GHSR: variants seen among roughly 807,000 people sequenced by gnomAD.
GHSR encodes the protein growth hormone secretagogue receptor, also known as growth hormone secretagogue receptor type 1.
Under a neutral mutation model 24.0 loss-of-function variants are expected in GHSR, and 17 were observed. The ratio of observed to expected loss-of-function variants is 0.71; its 90% CI spans 0.49 to 1.06. The LOEUF (loss-of-function observed/expected upper bound fraction) is 1.06. Among genes scored for constraint, GHSR ranks in the 50% least tolerant of loss-of-function variants. GHSR has a pLI of 0.00. For synonymous variants in GHSR, 238 were observed against 208.1 expected, an observed-to-expected ratio of 1.14 and a Z score of -1.24; for missense variants, 504 against 483.1, an observed-to-expected ratio of 1.04 and a Z score of -0.41.
Position 172,447,726 on chromosome 3 carries a change from C to T in GHSR, c.688G>A (p.Val230Ile). 2 of 1,614,120 alleles carry T rather than the reference C, an allele frequency of 1.2e-6. No individual in the cohort carries two copies. Among genetic ancestry groups the T allele is most frequent in the Non-Finnish European group, 1.7e-6 (2 of 1,180,032 alleles). The stretch of plus-strand genomic sequence containing the variant: ...TTCCTGCCGATGAGACTGTAGAGGA[C>T]CGTGAGACAGAAGACAGGAAGGAAG... ...FFFLPVFCLT[V>I]LYSLIGRKLW... Residue 230 changes from valine (V) to isoleucine (I), a missense_variant, in exon 1 of 2, where the codon GTC becomes ATC. By Grantham distance (29) the Val-to-Ile change is conservative (BLOSUM62 3). Coordinates refer to ENST00000241256, the MANE Select transcript of GHSR (RefSeq NM_198407.2).
At position 172,445,153 on chromosome 3, in the gene GHSR, G is replaced by A. The variant is rs1356654891; in HGVS notation, c.*8C>T. The A allele has an allele frequency of 6.2e-7, 1 of 1,613,816 alleles. No homozygotes were observed. Among genetic ancestry groups the A allele is most frequent in the African/African-American group, 1.3e-5 (1 of 74,906 alleles). On this transcript the variant is annotated 3_prime_UTR_variant, in exon 2 of 2. Coordinates refer to ENST00000241256, the MANE Select transcript of GHSR (RefSeq NM_198407.2). Reference sequence around the variant, plus strand: ...AATAAGCGGTGACTGTACTCGCAATGTGCTAGGTCATGTATTAATACTAGA... The same window carrying A: ...AATAAGCGGTGACTGTACTCGCAATATGCTAGGTCATGTATTAATACTAGA...
chr3:172,445,425 G>T lies in GHSR; in HGVS notation c.837C>A (p.Phe279Leu), dbSNP rs201286192. 46 of 1,613,598 alleles carry T rather than the reference G, an allele frequency of 2.9e-5. No individual in the cohort carries two copies. Among genetic ancestry groups the T allele is most frequent in the Non-Finnish European group, 2.0e-5 (24 of 1,180,016 alleles). ...VFAFILCWLPFHVGRYLFSKS... is the reference protein window; with the variant it reads ...VFAFILCWLPLHVGRYLFSKS... ...TGGAAAATAAATATCGCCCTACGTGGAAGGGGAGCCAGCAGAGGATGAAGG... is the reference window on the plus strand; with the variant it reads ...TGGAAAATAAATATCGCCCTACGTGTAAGGGGAGCCAGCAGAGGATGAAGG... The change falls in exon 2 of 2, where the codon TTC (phenylalanine) becomes TTA (leucine). Residue 279 changes from phenylalanine to leucine, a missense_variant. Coordinates refer to ENST00000241256, the MANE Select transcript of GHSR (RefSeq NM_198407.2).
Position 172,448,114 on chromosome 3 carries a change from G to C in GHSR, c.300C>G (p.Leu100=), listed in dbSNP as rs1380767480. Reference sequence around the variant, plus strand: ...AGGGCCGGTACTGCCAGAGGCGAACGAGGTCCAGGGGCATGCAGAGGAAGA... The same window carrying C: ...AGGGCCGGTACTGCCAGAGGCGAACCAGGTCCAGGGGCATGCAGAGGAAGA... ...LLIFLCMPLD[L]VRLWQYRPWN... is the part of the protein sequence containing the mutation. Residue 100 remains leucine (L), a synonymous_variant, in exon 1 of 2, where the codon CTC becomes CTG. Transcript: ENST00000241256. This position sits in a 1 kb window ranked among gnomAD's most constrained non-coding sequence, Gnocchi z 4.8. 1.7e-5 allele frequency: 28 copies of C among 1,614,126 alleles called. No individual in the cohort carries two copies. The highest frequency in any genetic ancestry group is 2.0e-5 in the Non-Finnish European group (24 of 1,180,054).
rs200796016 is a variant in GHSR at position 172,448,050 on chromosome 3, C to A, written c.364G>T (p.Val122Phe). 2 of 1,614,152 alleles carry A rather than the reference C, an allele frequency of 1.2e-6. No individual in the cohort carries two copies. Among genetic ancestry groups the A allele is most frequent in the Non-Finnish European group, 8.5e-7 (1 of 1,180,036 alleles). The change falls in exon 1 of 2, where the codon GTC (valine) becomes TTC (phenylalanine). Residue 122 changes from valine (V) to phenylalanine (F), a missense_variant. By Grantham distance (50) the Val-to-Phe change is conservative. Coordinates refer to ENST00000241256, the MANE Select transcript of GHSR (RefSeq NM_198407.2). This position sits in a 1 kb window ranked among gnomAD's most constrained non-coding sequence, Gnocchi z 4.8. ...GTGGCGTAGGTGCAGCTCTCACTGA[C>A]GAATTGGAAGAGTTTGCAGAGGAGG... ...GDLLCKLFQF[V>F]SESCTYATVL...
chr3:172,447,134 T>A (rs1436791350), intron 1 of GHSR, among the ~76,000 whole-genome samples: 1 of 152,256 alleles, frequency 6.6e-6, no homozygotes, highest in Non-Finnish European at 1.5e-5. Flanking sequence ...CTGCTTTTCT[T>A]AATGTAACTT....
Position 172,444,286 on chromosome 3 carries a change from CAG to C in GHSR, c.*873_*874del, listed in dbSNP as rs1576991896. On this transcript the variant is annotated 3_prime_UTR_variant, in exon 2 of 2. Coordinates refer to ENST00000241256, the MANE Select transcript of GHSR (RefSeq NM_198407.2). ...TCACTATAAAAACATTTTAGGGAAACAGTATTTATTTTTAAACATTTCATATA... is the reference window on the plus strand; with the variant it reads ...TCACTATAAAAACATTTTAGGGAAACTATTTATTTTTAAACATTTCATATA... Among the ~76,000 whole-genome samples the C allele has an allele frequency of 2.0e-5, 3 of 152,178 alleles. No individual in the cohort carries two copies. The highest frequency in any genetic ancestry group is 2.9e-5 in the Non-Finnish European group (2 of 67,976).
intron 1 of GHSR, among the ~76,000 whole-genome samples, chr3:172,447,200 A>G (rs6774762): frequency 0.3 from 44,949 of 152,166 alleles, 7,976 homozygotes; most frequent in Middle Eastern, 0.45. Flanking sequence ...TTAACGCTTA[A>G]AGACCACAAT....
Position 172,447,761 on chromosome 3 carries a change from C to T in GHSR, c.653G>A (p.Ser218Asn). The change falls in exon 1 of 2, where the codon AGC (serine) becomes AAC (asparagine). Residue 218 changes from serine to asparagine, a missense_variant. Coordinates refer to ENST00000241256, the MANE Select transcript of GHSR (RefSeq NM_198407.2). ...GAAGACAGGAAGGAAGAAGAAGATGCTGGACACCCACACCATGACCGTGAG... is the reference window on the plus strand; with the variant it reads ...GAAGACAGGAAGGAAGAAGAAGATGTTGGACACCCACACCATGACCGTGAG... ...GLLTVMVWVS[S>N]IFFFLPVFCL... The T allele has an allele frequency of 6.2e-7, 1 of 1,614,136 alleles. No individual in the cohort carries two copies. Among genetic ancestry groups the T allele is most frequent in the Non-Finnish European group, 8.5e-7 (1 of 1,180,038 alleles).
chr3:172,445,203 A>G lies in GHSR; in HGVS notation c.1059T>C (p.Asp353=). 6.2e-7 allele frequency: 1 copy of G among 1,614,110 alleles called. No individual in the cohort carries two copies. Among genetic ancestry groups the G allele is most frequent in the Non-Finnish European group, 8.5e-7 (1 of 1,180,022 alleles). ...ATTCTGTCCAGGCCCGAGAACTTTC[A>G]TCTTTCAGAGTGGAGAGCTTTCTCT... ...FSQRKLSTLK[D]ESSRAWTESS... The change falls in exon 2 of 2, where the codon GAT becomes GAC. Residue 353 remains aspartate (D), a synonymous_variant. Coordinates refer to ENST00000241256, the MANE Select transcript of GHSR (RefSeq NM_198407.2).
intron 1 of GHSR, 148 bp downstream of exon 1, chr3:172,447,470 G>A (rs1206736012): frequency 1.3e-6 from 2 of 1,484,102 alleles, no homozygotes; most frequent in Admixed American, 4.9e-5. Flanking sequence ...ATAATTGAGA[G>A]AAACGCAGAG....
At position 172,443,485 on chromosome 3, in the gene GHSR, C is replaced by T. The variant is rs1462388855; in HGVS notation, c.*1676G>A. Among the ~76,000 whole-genome samples, 1 of 149,294 alleles carries T rather than the reference C, an allele frequency of 6.7e-6. No homozygotes were observed. The highest frequency in any genetic ancestry group is 1.5e-5 in the Non-Finnish European group (1 of 67,972). The stretch of plus-strand genomic sequence containing the variant: ...CAATCGATTATTTCATCATGATTAT[C>T]TTTCTTTTTGATGAAGGAAAAAACA... On this transcript the variant is annotated 3_prime_UTR_variant, in exon 2 of 2. Coordinates refer to ENST00000241256, the MANE Select transcript of GHSR (RefSeq NM_198407.2).
chr3:172,448,066 G>T lies in GHSR; in HGVS notation c.348C>A (p.Cys116Ter). 6.2e-7 allele frequency: 1 copy of T among 1,614,174 alleles called. No homozygotes were observed. Among genetic ancestry groups the T allele is most frequent in the Non-Finnish European group, 8.5e-7 (1 of 1,180,032 alleles). ...YRPWNFGDLLCKLFQFVSESC... is the reference protein window; with the variant it reads ...YRPWNFGDLL ...TCTCACTGACGAATTGGAAGAGTTT[G>T]CAGAGGAGGTCGCCGAAGTTCCAGG... The change falls in exon 1 of 2, where the codon TGC (cysteine) becomes TGA (stop). Residue 116 changes from cysteine to a stop codon, truncating the protein, a stop_gained. Transcript: ENST00000241256. LOFTEE classifies it high-confidence loss of function. The surrounding 1 kb of genome is among the most constrained non-coding windows in gnomAD (Gnocchi z 4.8).
rs1264648542 is a variant in GHSR at position 172,443,788 on chromosome 3, A to G, written c.*1373T>C. 1.3e-5 allele frequency among the ~76,000 whole-genome samples: 2 copies of G among 152,196 alleles called. No individual in the cohort carries two copies. Among genetic ancestry groups the G allele is most frequent in the Non-Finnish European group, 2.9e-5 (2 of 68,012 alleles). ...AGGGTCTGGAAGTCCAAGTAATCAT[A>G]TCTATCAGATAAGCAATGGGATATA... On this transcript the variant is annotated 3_prime_UTR_variant, in exon 2 of 2. Transcript: ENST00000241256.
At chr3:172,447,594 G>A (rs200871449) in intron 1 of GHSR, 24 bp downstream of exon 1, 33 of 1,613,096 alleles carry the variant, frequency 2.0e-5, no homozygotes, top group Non-Finnish European at 2.7e-5. Context: ...GCGAGAGAAA[G>A]CCTGAGCGCG....
rs928273177 is a variant in GHSR, at chr3:172,447,818, C to A, written c.596G>T (p.Arg199Leu). 6.2e-7 allele frequency: 1 copy of A among 1,613,784 alleles called. No homozygotes were observed. The highest frequency in any genetic ancestry group is 8.5e-7 in the Non-Finnish European group (1 of 1,180,014). Residue 199 changes from arginine (R) to leucine (L), a missense_variant, in exon 1 of 2, where the codon CGC becomes CTC. Physicochemically the swap from Arg to Leu is moderately radical, Grantham distance 102 (BLOSUM62 -2). Transcript: ENST00000241256. ...GTDPWDTNEC[R>L]PTEFAVRSGL... ...AGAGCGCACCGCAAACTCGGTGGGGCGGCACTCGTTGGTGTCCCAAGGGTC... is the reference window on the plus strand; with the variant it reads ...AGAGCGCACCGCAAACTCGGTGGGGAGGCACTCGTTGGTGTCCCAAGGGTC...
rs150344113 is a variant in GHSR, at chr3:172,445,190, C to T, written c.1072G>A (p.Ala358Thr). 610 of 1,614,104 alleles carry T rather than the reference C, an allele frequency of 3.8e-4. 2 individuals carry two copies. The African/African-American group carries it at 7.5e-3, about 20-fold the overall frequency. ...GTATTAATACTAGATTCTGTCCAGG[C>T]CCGAGAACTTTCATCTTTCAGAGTG... ...LSTLKDESSRAWTESSINT is the reference protein window; with the variant it reads ...LSTLKDESSRTWTESSINT The change falls in exon 2 of 2, where the codon GCC (alanine) becomes ACC (threonine). Residue 358 changes from alanine (A) to threonine (T), a missense_variant. By Grantham distance (58) the Ala-to-Thr change is moderately conservative (BLOSUM62 0). Coordinates refer to ENST00000241256, the MANE Select transcript of GHSR (RefSeq NM_198407.2).
At position 172,448,389 on chromosome 3, in the gene GHSR, C is replaced by T. The variant is rs762767250; in HGVS notation, c.25G>A (p.Glu9Lys). 4.4e-6 allele frequency: 7 copies of T among 1,597,168 alleles called. No homozygotes were observed. Among genetic ancestry groups the T allele is most frequent in the Non-Finnish European group, 5.9e-6 (7 of 1,178,996 alleles). MWNATPSEEPGFNLTLADL... is the reference protein window; with the variant it reads MWNATPSEKPGFNLTLADL... ...GCCAGTGTGAGGTTGAACCCCGGCT[C>T]TTCGCTGGGCGTCGCGTTCCACATG... The change falls in exon 1 of 2, where the codon GAG becomes AAG. Residue 9 changes from glutamate (E) to lysine (K), a missense_variant. By Grantham distance (56) the Glu-to-Lys change is moderately conservative. Transcript: ENST00000241256. The surrounding 1 kb of genome is among the most constrained non-coding windows in gnomAD (Gnocchi z 4.8).
In GHSR at chr3:172,445,270, C is replaced by G. The variant is rs200001291; in HGVS notation, c.992G>C (p.Arg331Pro). The G allele has an allele frequency of 6.2e-6, 10 of 1,614,064 alleles. No homozygotes were observed. The highest frequency in any genetic ancestry group is 7.6e-6 in the Non-Finnish European group (9 of 1,180,016). The change falls in exon 2 of 2, where the codon CGG becomes CCG. Residue 331 changes from arginine (R) to proline (P), a missense_variant. Arg to Pro is a moderately radical substitution (Grantham distance 103). Transcript: ENST00000241256. ...ILYNIMSKKY[R>P]VAVFRLLGFE... ...TCCCAGAAGTCTGAACACTGCCACC[C>G]GGTACTTCTTGGACATGATGTTGTA...
At position 172,448,207 on chromosome 3, in the gene GHSR, C is replaced by T. The variant is rs995230051; in HGVS notation, c.207G>A (p.Ser69=). ...TGGTGGTGCGCAGCTCGCGGAAGCG[C>T]GACACCACCAGCATGGTGAGCAGGT... is the stretch of plus-strand genomic sequence containing the variant. ...AGNLLTMLVV[S]RFRELRTTTN... Residue 69 remains serine (S), a synonymous_variant, in exon 1 of 2, where the codon TCG becomes TCA. Coordinates refer to ENST00000241256, the MANE Select transcript of GHSR (RefSeq NM_198407.2). This position sits in a 1 kb window ranked among gnomAD's most constrained non-coding sequence, Gnocchi z 4.8. The T allele has an allele frequency of 1.2e-5, 19 of 1,614,004 alleles. No homozygotes were observed. Among genetic ancestry groups the T allele is most frequent in the African/African-American group, 5.3e-5 (4 of 74,944 alleles).
Sources: allele counts gnomAD v4.1 joint callset (sites outside exome capture counted in the v4.1 genomes callset), GRCh38; gene constraint gnomAD v4.1.1; non-coding constraint Gnocchi (gnomAD v3.1); transcripts MANE v1.5; gene names NCBI Gene and HGNC (gene_info 2026-07-23, HGNC 2026-07-21).